Variants in FAT3 observed in about 807,000 individuals in gnomAD.
FAT3 encodes the protein FAT atypical cadherin 3, also known as protocadherin Fat 3.
Under a neutral mutation model 310.2 loss-of-function variants are expected in FAT3, and 95 were observed. The observed-to-expected ratio is 0.31, with a 90% CI of 0.26 to 0.36. The LOEUF (loss-of-function observed/expected upper bound fraction) is 0.36. FAT3 is among the 10% of genes least tolerant of loss of function. The pLI, the probability that FAT3 is intolerant of heterozygous loss-of-function variation, is 1.00. For synonymous variants in FAT3, 2,314 were observed against 2,192.9 expected (o/e 1.06, Z -1.54); for missense variants, 5,408 against 5,715.6 (o/e 0.95, Z 1.74).
At chr11:92,523,517 G>A (rs1005466112) in intron 2 of FAT3, among the ~76,000 whole-genome samples, 1 of 152,128 alleles carries the variant, frequency 6.6e-6, no homozygotes, top group Non-Finnish European at 1.5e-5. Context: ...GTACTTGGCA[G>A]TTTGCTTATG....
rs1256721762 is a variant in FAT3, at chr11:92,703,616, A to C, written c.3669+6171A>C. On this transcript the variant is annotated intron_variant, in intron 4 of 27. Transcript: ENST00000525166. ...CACAGCTGCTGACCTCTTTCCACTC[A>C]TTCCTTCCATTCTCTCATTTGTTCA... is the stretch of plus-strand genomic sequence containing the variant. Among the ~76,000 whole-genome samples the C allele has an allele frequency of 2.0e-5, 3 of 152,126 alleles. 1 individual carries two copies. The South Asian group carries it at 6.2e-4, about 32-fold the overall frequency.
chr11:92,807,064 A>G (rs571318597), intron 12 of FAT3, among the ~76,000 whole-genome samples: 1 of 152,240 alleles, frequency 6.6e-6, no homozygotes, highest in East Asian at 1.9e-4. Context: ...GATGACTTTT[A>G]GTCTCTTTTC....
intron 3 of FAT3, among the ~76,000 whole-genome samples, chr11:92,674,318 C>T (rs1360295254): frequency 6.6e-6 from 1 of 151,434 alleles, no homozygotes; most frequent in South Asian, 2.1e-4. Flanking sequence ...CTCTAAGGAG[C>T]TCCTGAGCTT....
intron 23 of FAT3, among the ~76,000 whole-genome samples, chr11:92,881,613 A>G (rs1364191212): frequency 2.7e-5 from 4 of 150,298 alleles, no homozygotes; most frequent in Non-Finnish European, 4.5e-5. Context: ...CCTCACCTCT[A>G]TCTGTTCAAA....
intron 3 of FAT3, among the ~76,000 whole-genome samples, chr11:92,630,586 G>A (rs1197748715): frequency 6.6e-6 from 1 of 152,110 alleles, no homozygotes; most frequent in African/African-American, 2.4e-5. Context: ...TCCCCCAACG[G>A]AGATCCCACT....
chr11:92,871,011 G>A lies in FAT3; in HGVS notation c.12127+3802G>A, dbSNP rs1949375599. 3.3e-5 allele frequency among the ~76,000 whole-genome samples: 5 copies of A among 152,248 alleles called. No individual in the cohort carries two copies. In the South Asian group the frequency reaches 8.3e-4, roughly 25 times the overall value. ...AGCCTAGTATCACATAGCTAGTAAAGTGGTGAAAGCACACTGGCTGGGTGC... is the reference window on the plus strand; with the variant it reads ...AGCCTAGTATCACATAGCTAGTAAAATGGTGAAAGCACACTGGCTGGGTGC... On this transcript the variant is annotated intron_variant, in intron 22 of 27. Coordinates refer to ENST00000525166, the MANE Select transcript of FAT3 (RefSeq NM_001367949.2).
intron 3 of FAT3, among the ~76,000 whole-genome samples, chr11:92,665,479 A>C (rs111412077): frequency 0.013 from 2,006 of 152,336 alleles, 50 homozygotes; most frequent in African/African-American, 0.046. Flanking sequence ...AAAGACTAGT[A>C]ATAGCAAGAA....
intron 3 of FAT3, among the ~76,000 whole-genome samples, chr11:92,673,210 T>G (rs1412061423): frequency 6.6e-6 from 1 of 152,258 alleles, no homozygotes; most frequent in Non-Finnish European, 1.5e-5. Flanking sequence ...TCCTCAATTT[T>G]ATAAGACCAG....
At chr11:92,432,453 C>T (rs1395987478) in intron 2 of FAT3, among the ~76,000 whole-genome samples, 5 of 151,992 alleles carry the variant, frequency 3.3e-5, no homozygotes, top group Admixed American at 6.6e-5. Flanking sequence ...TTTGAGTGGT[C>T]CTCCTTTTTG....
chr11:92,438,760 C>G (rs1405841508), intron 2 of FAT3, among the ~76,000 whole-genome samples: 1 of 152,142 alleles, frequency 6.6e-6, no homozygotes, highest in East Asian at 1.9e-4. Context: ...ACCATGTTGT[C>G]TAATGTTTCT....
intron 3 of FAT3, among the ~76,000 whole-genome samples, chr11:92,577,409 A>G (rs911594217): frequency 1.3e-5 from 2 of 151,838 alleles, no homozygotes; most frequent in Non-Finnish European, 2.9e-5. Flanking sequence ...CACCCAGCCT[A>G]TTTTTTCTTT....
intron 4 of FAT3, among the ~76,000 whole-genome samples, chr11:92,760,196 C>T (rs1177976843): frequency 6.6e-6 from 1 of 152,178 alleles, no homozygotes; most frequent in East Asian, 1.9e-4. Context: ...TGGAAGGAAA[C>T]TTGATTGATT....
chr11:92,649,902 T>C lies in FAT3; in HGVS notation c.3608-47482T>C, dbSNP rs1032529907. Among the ~76,000 whole-genome samples, 10 of 64,166 alleles carry C rather than the reference T, an allele frequency of 1.6e-4. 2 individuals carry two copies. Among genetic ancestry groups the C allele is most frequent in the East Asian group, 5.6e-4 (2 of 3,540 alleles). 42.1% of individuals were successfully genotyped at this position (64,166 alleles called of 152,430 possible). A position where few individuals can be genotyped will look rare whatever the true frequency, so the allele number is the denominator to read the frequency against. ...ATATATATATATATATATATATATA[T>C]ATATATATATATATGCACCTTCTTT... On this transcript the variant is annotated intron_variant, in intron 3 of 27. Transcript: ENST00000525166.
In FAT3 at chr11:92,892,406, A is replaced by G. The variant is rs1949933431; in HGVS notation, c.*1293A>G. Reference sequence around the variant, plus strand: ...ATTTTGGTACTGCCAATAAAGCAAAATTGTGCTTTTTTTTTTTTTTCTCAA... The same window carrying G: ...ATTTTGGTACTGCCAATAAAGCAAAGTTGTGCTTTTTTTTTTTTTTCTCAA... On this transcript the variant is annotated 3_prime_UTR_variant, in exon 28 of 28. Coordinates refer to ENST00000525166, the MANE Select transcript of FAT3 (RefSeq NM_001367949.2). 7.2e-6 allele frequency: 1 copy of G among 138,360 alleles called. No homozygotes were observed. Among genetic ancestry groups the G allele is most frequent in the Non-Finnish European group, 1.6e-5 (1 of 62,922 alleles). 8.6% of individuals were successfully genotyped at this position (138,360 alleles called of 1,614,324 possible).
At chr11:92,412,889 C>T (rs1950327812) in intron 2 of FAT3, among the ~76,000 whole-genome samples, 1 of 151,288 alleles carries the variant, frequency 6.6e-6, no homozygotes, top group Non-Finnish European at 1.5e-5. Context: ...TAGTCGATAT[C>T]CCCACCACCA....
At chr11:92,622,216 G>A (rs1941120181) in intron 3 of FAT3, among the ~76,000 whole-genome samples, 1 of 151,582 alleles carries the variant, frequency 6.6e-6, no homozygotes, top group African/African-American at 2.4e-5. Flanking sequence ...TCTAGGAAAT[G>A]AAGGTTGCAG....
chr11:92,349,926 G>A (rs923183275), intron 1 of FAT3, among the ~76,000 whole-genome samples: 4 of 151,116 alleles, frequency 2.6e-5, no homozygotes, highest in African/African-American at 9.7e-5. Flanking sequence ...GGCAGAACCA[G>A]CATTTGCATG....
At chr11:92,781,329 C>T (rs566550787) in intron 7 of FAT3, among the ~76,000 whole-genome samples, 25 of 151,394 alleles carry the variant, frequency 1.7e-4, no homozygotes, top group East Asian at 2.0e-4. Flanking sequence ...GTGATCCACC[C>T]GCCTTGGCCT....
intron 10 of FAT3, among the ~76,000 whole-genome samples, chr11:92,804,192 A>T: frequency 6.6e-6 from 1 of 152,116 alleles, no homozygotes; most frequent in Non-Finnish European, 1.5e-5. Context: ...TTGTCCACTG[A>T]TGTAGCCCTG....
Sources: allele counts gnomAD v4.1 joint callset (sites outside exome capture counted in the v4.1 genomes callset), GRCh38; gene constraint gnomAD v4.1.1; transcripts MANE v1.5; gene names NCBI Gene and HGNC (gene_info 2026-07-23, HGNC 2026-07-21).